Variants in KLRD1 observed in about 807,000 individuals in gnomAD.
KLRD1 encodes the protein killer cell lectin like receptor D1.
Under a neutral mutation model 22.6 loss-of-function variants are expected in KLRD1, and 21 were observed. The ratio of observed to expected loss-of-function variants is 0.93; its 90% CI spans 0.66 to 1.34. The LOEUF is 1.34. Ranked by LOEUF, KLRD1 falls within the 40% of genes most tolerant of loss-of-function variation. The pLI is 0.00. For synonymous variants in KLRD1, 59 were observed against 71.1 expected, an observed-to-expected ratio of 0.83 and a Z score of 0.85; for missense variants, 183 against 208.6, an observed-to-expected ratio of 0.88 and a Z score of 0.76.
At chr12:10,268,633 A>G (rs1170009541) in intron 1 of KLRD1, among the ~76,000 whole-genome samples, 1 of 152,184 alleles carries the variant, frequency 6.6e-6, no homozygotes, top group Non-Finnish European at 1.5e-5. Context: ...GTTAATTTCA[A>G]TTCCAGTTTA....
In KLRD1 at chr12:10,312,867, G is replaced by A. The variant is rs949845365; in HGVS notation, c.316-543G>A. 1.1e-4 allele frequency among the ~76,000 whole-genome samples: 17 copies of A among 151,546 alleles called. No homozygotes were observed. In the South Asian group the frequency reaches 1.3e-3, roughly 11 times the overall value. On this transcript the variant is annotated intron_variant, in intron 4 of 5. Coordinates refer to ENST00000336164, the MANE Select transcript of KLRD1 (RefSeq NM_002262.5). ...CCGGGCGTGGTGGCGGGCGCCTGTA[G>A]TCCCAGCTACTCGGGAGGCGGAGGC...
chr12:10,326,541 AGGAGGGG>A lies in KLRD1; in HGVS notation c.*11750_*11756del, dbSNP rs1280448965. 6.6e-6 allele frequency: 1 copy of A among 152,266 alleles called. No individual in the cohort carries two copies. Among genetic ancestry groups the A allele is most frequent in the African/African-American group, 2.4e-5 (1 of 41,442 alleles). The allele number at this position is 152,266 out of a possible 1,614,324, so 9.4% of individuals were successfully genotyped here. A position where few individuals can be genotyped will look rare whatever the true frequency, so the allele number is the denominator to read the frequency against. ...AGCAGAAGTGAAACAACTGGAAGCA[AGGAGGGG>A]GCTTCCAGGTCACAGGTAAGAGACA... On this transcript the variant is annotated 3_prime_UTR_variant, in exon 6 of 6. Transcript: ENST00000336164.
Position 10,325,684 on chromosome 12 carries a change from T to A in KLRD1, c.*10891T>A, listed in dbSNP as rs1950354408. The A allele has an allele frequency of 6.6e-6, 1 of 152,228 alleles. No individual in the cohort carries two copies. The highest frequency in any genetic ancestry group is 1.5e-5 in the Non-Finnish European group (1 of 68,044). 9.4% of individuals were successfully genotyped at this position (152,228 alleles called of 1,614,324 possible). On this transcript the variant is annotated 3_prime_UTR_variant, in exon 6 of 6. Transcript: ENST00000336164. ...CTCAAGTTTCATCCACATTGTTACA[T>A]ATTGCAGGATTTCATTTTTAAGGCT... is the stretch of plus-strand genomic sequence containing the variant.
At chr12:10,306,713 T>C (rs1324733461), upstream of KLRD1, among the ~76,000 whole-genome samples, 1 of 152,204 alleles carries the variant, frequency 6.6e-6, no homozygotes, top group Admixed American at 6.5e-5. Flanking sequence ...CTGGATGAAG[T>C]AGATTTTACG....
intron 2 of KLRD1, 62 bp downstream of exon 2, chr12:10,309,542 A>G: frequency 1.6e-6 from 2 of 1,278,166 alleles, no homozygotes; most frequent in Non-Finnish European, 1.1e-6. Flanking sequence ...TTTAATAATA[A>G]AGGCTTCATC....
intron 1 of KLRD1, among the ~76,000 whole-genome samples, chr12:10,244,180 A>G (rs1383443321): frequency 2.0e-5 from 3 of 152,154 alleles, no homozygotes; most frequent in Non-Finnish European, 4.4e-5. Context: ...TTAGAAAAAA[A>G]TATCTACGTC....
At position 10,296,687 on chromosome 12, in the gene KLRD1, G is replaced by C. The variant is rs372206077; in HGVS notation, c.-100-11291G>C. 1.3e-3 allele frequency among the ~76,000 whole-genome samples: 191 copies of C among 152,282 alleles called. 7 individuals carry two copies. The South Asian group carries it at 0.039, about 31-fold the overall frequency. ...GAGTAAATGGATTAAAAGAGAGAGA[G>C]AGAAAGAGGAGTCATGTGACTATTC... On this transcript the variant is annotated intron_variant, in intron 1 of 5. Coordinates refer to the KLRD1 transcript ENST00000544747.
intron 1 of KLRD1, among the ~76,000 whole-genome samples, chr12:10,279,639 GAATGCATGT>G (rs1471801004): frequency 2.0e-5 from 3 of 152,212 alleles, no homozygotes; most frequent in Non-Finnish European, 4.4e-5. Context: ...AAATCTCAAA[GAATGCATGT>G]TCAGAACATG....
intron 3 of KLRD1, among the ~76,000 whole-genome samples, chr12:10,310,907 CTAT>C (rs1011340450): frequency 1.3e-3 from 200 of 152,316 alleles, no homozygotes; most frequent in African/African-American, 4.6e-3. Flanking sequence ...GTTGAAGACA[CTAT>C]TATTGATAAA....
At chr12:10,254,952 T>G (rs1243539928) in intron 1 of KLRD1, among the ~76,000 whole-genome samples, 1 of 147,730 alleles carries the variant, frequency 6.8e-6, no homozygotes, top group Non-Finnish European at 1.5e-5. Context: ...CAGGCACTTC[T>G]CAAAAGAAGA....
intron 1 of KLRD1, among the ~76,000 whole-genome samples, chr12:10,279,694 A>G (rs1206653924): frequency 2.0e-5 from 3 of 152,206 alleles, no homozygotes; most frequent in Non-Finnish European, 4.4e-5. Flanking sequence ...TATAACTTGT[A>G]TCAAGAATTT....
rs72326980 is a variant in KLRD1 at position 10,242,071 on chromosome 12, G to GTTTTTTTTTTTTTT, written c.-101+15844_-101+15857dup. ...GGATTTCTTTGTTACTGTTCTTGCT[G>GTTTTTTTTTTTTTT]TTTTTTTTTTTTTTTTTTTCAGAGA... On this transcript the variant is annotated intron_variant, in intron 1 of 5. Transcript: ENST00000544747. Among the ~76,000 whole-genome samples the GTTTTTTTTTTTTTT allele has an allele frequency of 2.6e-4, 26 of 99,382 alleles. 1 individual carries two copies. Among genetic ancestry groups the GTTTTTTTTTTTTTT allele is most frequent in the East Asian group, 5.9e-4 (2 of 3,366 alleles). 65.2% of individuals were successfully genotyped at this position (99,382 alleles called of 152,430 possible). A position where few individuals can be genotyped will look rare whatever the true frequency, so the allele number is the denominator to read the frequency against.
chr12:10,306,585 A>G (rs1330211443), upstream of KLRD1, among the ~76,000 whole-genome samples: 1 of 152,196 alleles, frequency 6.6e-6, no homozygotes, highest in African/African-American at 2.4e-5. Flanking sequence ...TACATGGGGG[A>G]AAAATAGTAT....
At chr12:10,251,227 C>A (rs2137619698) in intron 1 of KLRD1, among the ~76,000 whole-genome samples, 1 of 152,190 alleles carries the variant, frequency 6.6e-6, no homozygotes, top group Admixed American at 6.5e-5. Flanking sequence ...CAGGTTCAAG[C>A]AATTCTCCTG....
rs1269333884 is a variant in KLRD1, at chr12:10,315,345, T to C, written c.*552T>C. The C allele has an allele frequency of 2.4e-6, 1 of 420,660 alleles. No individual in the cohort carries two copies. The highest frequency in any genetic ancestry group is 4.7e-6 in the Non-Finnish European group (1 of 210,638). The allele number at this position is 420,660 out of a possible 1,614,324, so 26.1% of individuals were successfully genotyped here. On this transcript the variant is annotated 3_prime_UTR_variant, in exon 6 of 6. Transcript: ENST00000336164. ...CTTGCTATGTTGCCCAGGCTGGTCT[T>C]GAACTCCTGGCCTCAAGGGATTCTC...
intron 1 of KLRD1, among the ~76,000 whole-genome samples, chr12:10,286,651 C>T (rs1380942864): frequency 3.8e-5 from 4 of 106,310 alleles, no homozygotes; most frequent in East Asian, 5.8e-4. Flanking sequence ...CATTTTATTT[C>T]GCTTATGGTG....
chr12:10,313,368 G>T (rs1234115508), intron 4 of KLRD1, 42 bp from the exon 5 acceptor site: 1 of 1,188,426 alleles, frequency 8.4e-7, no homozygotes, highest in Middle Eastern at 2.1e-4. Context: ...TCCCAGAATA[G>T]ATTAAAATTA....
rs543339448 is a variant in KLRD1, at chr12:10,299,194, T to A, written c.-100-8784T>A. On this transcript the variant is annotated intron_variant, in intron 1 of 5. Coordinates refer to the KLRD1 transcript ENST00000544747. ...GGTTCCATTCTGCGTTTTTTTTTTTTAATTATGTTTTGTTTTGTTTTGTTT... is the reference window on the plus strand; with the variant it reads ...GGTTCCATTCTGCGTTTTTTTTTTTAAATTATGTTTTGTTTTGTTTTGTTT... Among the ~76,000 whole-genome samples the A allele has an allele frequency of 6.6e-5, 10 of 152,224 alleles. No individual in the cohort carries two copies. In the East Asian group the frequency reaches 7.7e-4, roughly 12 times the overall value.
chr12:10,246,887 T>C (rs1242331529), intron 1 of KLRD1, among the ~76,000 whole-genome samples: 1 of 151,692 alleles, frequency 6.6e-6, no homozygotes, highest in Non-Finnish European at 1.5e-5. Flanking sequence ...TTTCTTAGTC[T>C]AAATGAGTAG....
Sources: gnomAD v4.1 joint callset for allele counts (sites outside exome capture counted in the v4.1 genomes callset) on GRCh38, gnomAD v4.1.1 for gene constraint, MANE v1.5 for transcripts, NCBI Gene and HGNC (gene_info 2026-07-23, HGNC 2026-07-21) for gene names.